INTS13: variants seen among roughly 807,000 people sequenced by gnomAD.
The protein encoded by INTS13 is asunder, spermatogenesis regulator homolog (Drosphila).
A neutral mutation model predicts 90.2 loss-of-function variants in INTS13; 35 were observed. That is an observed-to-expected ratio of 0.39 (90% CI 0.30 to 0.51). INTS13 has a LOEUF of 0.51. INTS13 is among the 20% of genes least tolerant of loss of function. INTS13 has a pLI of 0.80. For missense variants in INTS13, 601 were observed against 851.2 expected, an observed-to-expected ratio of 0.71 and a Z score of 3.66; for synonymous variants, 309 against 277.1, an observed-to-expected ratio of 1.11 and a Z score of -1.14.
Position 26,922,680 on chromosome 12 carries a change from T to A in INTS13, c.825A>T (p.Thr275=), listed in dbSNP as rs145706509. ...IPMKEEQHAN[T]SANYDVELLH... ...GTAGCTCCACATCATAATTGGCAGA[T>A]GTGTTAGCATGCTGTTCTTCCTTGA... The change falls in exon 8 of 17, where the codon ACA becomes ACT. Residue 275 remains threonine, a synonymous_variant. Transcript: ENST00000261191. The A allele has an allele frequency of 4.9e-5, 78 of 1,585,790 alleles. No individual in the cohort carries two copies. The highest frequency in any genetic ancestry group is 4.8e-5 in the Non-Finnish European group (56 of 1,165,594).
chr12:26,929,833 GAA>G (rs1491369645), intron 3 of INTS13, among the ~76,000 whole-genome samples: 1 of 151,386 alleles, frequency 6.6e-6, no homozygotes, highest in African/African-American at 2.4e-5. Context: ...GGGAAGGAAG[GAA>G]GAGAGAGAGA....
chr12:26,926,204 T>C lies in INTS13; in HGVS notation c.585-353A>G, dbSNP rs541239618. ...ATACTAATATTTCTTAAGGATAAAA[T>C]CAGGCAATACTAACCATTAGCTATA... On this transcript the variant is annotated intron_variant, in intron 5 of 16. Coordinates refer to ENST00000261191, the MANE Select transcript of INTS13 (RefSeq NM_018164.3). Among the ~76,000 whole-genome samples, 328 of 152,324 alleles carry C rather than the reference T, an allele frequency of 2.2e-3. 3 individuals carry two copies. The highest frequency in any genetic ancestry group is 2.2e-3 in the Non-Finnish European group (153 of 68,028).
intron 3 of INTS13, among the ~76,000 whole-genome samples, chr12:26,930,038 G>C (rs552449197): frequency 3.3e-5 from 5 of 152,020 alleles, no homozygotes; most frequent in African/African-American, 9.7e-5. Context: ...ACAATAATCT[G>C]AAGACTAAAT....
At chr12:26,933,702 T>A (rs1029123311) in intron 3 of INTS13, among the ~76,000 whole-genome samples, 1 of 152,132 alleles carries the variant, frequency 6.6e-6, no homozygotes, top group Non-Finnish European at 1.5e-5. Flanking sequence ...AGCAGCCAGT[T>A]CAAACTGGAG....
intron 8 of INTS13, chr12:26,918,979 C>T (rs1952024782): frequency 3.3e-6 from 1 of 303,640 alleles, no homozygotes; most frequent in South Asian, 2.6e-5. Context: ...GCCTGGGCAA[C>T]ATAGTGAGAC....
intron 14 of INTS13, 49 bp downstream of exon 14, chr12:26,913,408 G>A: frequency 1.5e-6 from 2 of 1,342,708 alleles, no homozygotes; most frequent in Non-Finnish European, 2.1e-6. Context: ...TATGCAGAAT[G>A]TGATATAACA....
At chr12:26,914,334 C>G in intron 12 of INTS13, 74 bp downstream of exon 12, 2 of 1,402,184 alleles carry the variant, frequency 1.4e-6, no homozygotes, top group Middle Eastern at 2.1e-4. Context: ...GTATAAATTA[C>G]AAATTGTCTA....
chr12:26,910,475 T>G (rs948058619), intron 15 of INTS13, among the ~76,000 whole-genome samples: 3 of 152,198 alleles, frequency 2.0e-5, no homozygotes, highest in African/African-American at 7.2e-5. Context: ...TTCCATGCTG[T>G]TCTCGTGATA....
In INTS13 at chr12:26,928,214, T is replaced by C. The variant is rs769648978; in HGVS notation, c.575A>G (p.Asn192Ser). The C allele has an allele frequency of 6.2e-7, 1 of 1,605,414 alleles. No homozygotes were observed. Among genetic ancestry groups the C allele is most frequent in the Middle Eastern group, 1.7e-4 (1 of 6,024 alleles). ...TATGAATTATACTCACTGATCTGAA[T>C]TTGCAGCAAGCTTGTTATGTTCATG... Reference protein sequence around the residue: ...TIHEHNKLAANSDHLMQIQKC... With the variant: ...TIHEHNKLAASSDHLMQIQKC... Residue 192 changes from asparagine to serine, a missense_variant, in exon 5 of 17, where the codon AAT (asparagine) becomes AGT (serine). Around this residue, in one of 3 missense-constraint regions of INTS13, gnomAD observed 284 missense variants for 387.7 expected, o/e 0.73. Transcript: ENST00000261191.
At chr12:26,909,472 CTT>C (rs756908915) in intron 15 of INTS13, among the ~76,000 whole-genome samples, 19,698 of 127,002 alleles carry the variant, frequency 0.16, 1,472 homozygotes, top group Admixed American at 0.26. Flanking sequence ...AGATAATACT[CTT>C]TTTTTTTTTT....
In INTS13 at chr12:26,905,437, T is replaced by C; in HGVS notation, c.*60A>G. On this transcript the variant is annotated 3_prime_UTR_variant, in exon 17 of 17. Transcript: ENST00000261191. ...TACCATCTTGCTGTAAAAGTACTTATATCGAATTCCGCACAAAATATTTTT... is the reference window on the plus strand; with the variant it reads ...TACCATCTTGCTGTAAAAGTACTTACATCGAATTCCGCACAAAATATTTTT... The C allele has an allele frequency of 1.3e-6, 2 of 1,497,914 alleles. No homozygotes were observed. Among genetic ancestry groups the C allele is most frequent in the Non-Finnish European group, 1.8e-6 (2 of 1,081,942 alleles). The allele number at this position is 1,497,914 out of a possible 1,614,324, so 92.8% of individuals were successfully genotyped here. A position where few individuals can be genotyped will look rare whatever the true frequency, so the allele number is the denominator to read the frequency against.
chr12:26,929,103 A>G, intron 3 of INTS13, 198 bp from the exon 4 acceptor site: 1 of 533,358 alleles, frequency 1.9e-6, no homozygotes, highest in East Asian at 3.0e-5. Flanking sequence ...TAGGAATGCA[A>G]AGTTTATTTA....
intron 8 of INTS13, among the ~76,000 whole-genome samples, chr12:26,922,319 A>C (rs1292656598): frequency 1.3e-5 from 2 of 152,240 alleles, no homozygotes; most frequent in Non-Finnish European, 1.5e-5. Context: ...TTTGAGAAAG[A>C]GGGAGAGAGA....
At chr12:26,920,637 C>A (rs1322291094) in intron 8 of INTS13, among the ~76,000 whole-genome samples, 3 of 152,118 alleles carry the variant, frequency 2.0e-5, no homozygotes, top group Admixed American at 6.6e-5. Flanking sequence ...TCGTCATCCA[C>A]CTGCCTTAGC....
At chr12:26,919,488 G>A (rs1463438787) in intron 8 of INTS13, among the ~76,000 whole-genome samples, 2 of 152,192 alleles carry the variant, frequency 1.3e-5, no homozygotes, top group Admixed American at 6.5e-5. Context: ...TGTAGCTAGA[G>A]GGTAAAGAGT....
chr12:26,911,517 A>G (rs1306223823), intron 14 of INTS13, among the ~76,000 whole-genome samples, 200 bp from the exon 15 acceptor site: 2 of 152,146 alleles, frequency 1.3e-5, no homozygotes, highest in Non-Finnish European at 2.9e-5. Context: ...CTTTTCCTTC[A>G]TAATAATAAT....
rs955166164 is a variant in INTS13, at chr12:26,913,365, TATTAA to T, written c.1805+87_1805+91del. 29 of 844,098 alleles carry T rather than the reference TATTAA, an allele frequency of 3.4e-5. No homozygotes were observed. The African/African-American group carries it at 3.6e-4, about 10-fold the overall frequency. The allele number at this position is 844,098 out of a possible 1,614,324, so 52.3% of individuals were successfully genotyped here. A position where few individuals can be genotyped will look rare whatever the true frequency, so the allele number is the denominator to read the frequency against. On this transcript the variant is annotated intron_variant, in intron 14 of 16. Coordinates refer to ENST00000261191, the MANE Select transcript of INTS13 (RefSeq NM_018164.3). ...AATAAACATGTATTAAATGAACTAC[TATTAA>T]ATCAGGTTTGAATGTATGAAAGTGT...
chr12:26,921,713 T>C (rs556661318), intron 8 of INTS13, among the ~76,000 whole-genome samples: 3 of 152,338 alleles, frequency 2.0e-5, no homozygotes, highest in Non-Finnish European at 2.9e-5. Flanking sequence ...TGGGGTGTAG[T>C]GGCATGATCT....
chr12:26,923,521 C>T (rs1395903801), intron 7 of INTS13, among the ~76,000 whole-genome samples: 1 of 152,106 alleles, frequency 6.6e-6, no homozygotes, highest in South Asian at 2.1e-4. Context: ...ATAGTGGCTA[C>T]CTTATATTTG....
Sources: gnomAD v4.1 joint callset for allele counts (sites outside exome capture counted in the v4.1 genomes callset) on GRCh38, gnomAD v4.1.1 for gene constraint, gnomAD v4.1.1 regional missense constraint, MANE v1.5 for transcripts, NCBI Gene and HGNC (gene_info 2026-07-23, HGNC 2026-07-21) for gene names.